SLC25A29: variants seen among roughly 807,000 people sequenced by gnomAD.
The protein encoded by SLC25A29 is mitochondrial basic amino acids transporter.
SLC25A29 carries 13 observed loss-of-function variants against 10.0 expected under a neutral mutation model. The observed-to-expected ratio is 1.30, with a 90% confidence interval of 0.85 to 2.07. SLC25A29 has a LOEUF of 2.07. Ranked by LOEUF, SLC25A29 falls within the 30% of genes most tolerant of loss-of-function variation. The pLI is 0.00. For synonymous variants in SLC25A29, 244 were observed against 221.1 expected, an observed-to-expected ratio of 1.10 and a Z score of -0.92; for missense variants, 475 against 447.6, an observed-to-expected ratio of 1.06 and a Z score of -0.55.
chr14:100,292,143 T>C lies in SLC25A29; in HGVS notation c.*140A>G. The C allele has an allele frequency of 8.6e-7, 1 of 1,162,834 alleles. No individual in the cohort carries two copies. Among genetic ancestry groups the C allele is most frequent in the Non-Finnish European group, 1.2e-6 (1 of 815,890 alleles). The allele number at this position is 1,162,834 out of a possible 1,614,324, so 72.0% of individuals were successfully genotyped here. ...CAGTTCTCGGCCAAAACTACCCAGC[T>C]GATCAGCAAAATTCAGCCCACGTCT... On this transcript the variant is annotated 3_prime_UTR_variant, in exon 4 of 4. Transcript: ENST00000359232.
chr14:100,288,156 C>T (rs1008567123), downstream of SLC25A29, among the ~76,000 whole-genome samples: 3 of 151,946 alleles, frequency 2.0e-5, no homozygotes, highest in African/African-American at 7.3e-5. Context: ...GCTGAGGCGG[C>T]GGATCACCTG....
chr14:100,282,904 C>T, the SLC25A29 span: 2 of 152,218 alleles, frequency 1.3e-5, no homozygotes, highest in Admixed American at 6.5e-5. Context: ...CTAAACTGCC[C>T]GGGGCAGTTC....
intron 1 of SLC25A29, among the ~76,000 whole-genome samples, chr14:100,302,549 G>A (rs1041874742): frequency 6.6e-6 from 1 of 151,680 alleles, no homozygotes; most frequent in African/African-American, 2.4e-5. Flanking sequence ...TAGAAATGGG[G>A]TTTCACCATG....
intron 2 of SLC25A29, chr14:100,295,820 C>T: frequency 7.8e-7 from 1 of 1,289,692 alleles, no homozygotes; most frequent in Non-Finnish European, 1.0e-6. Flanking sequence ...GGCCGGTCAC[C>T]CCCTCATCAT....
chr14:100,280,312 CAT>C, the SLC25A29 span: 1 of 152,138 alleles, frequency 6.6e-6, no homozygotes, highest in Non-Finnish European at 1.5e-5. Flanking sequence ...TACTGATAGA[CAT>C]ATTTTCGTAC....
chr14:100,295,321 G>A (rs928755747), intron 2 of SLC25A29: 1 of 252,918 alleles, frequency 4.0e-6, no homozygotes, highest in Non-Finnish European at 7.9e-6. Context: ...AAATCTTGGG[G>A]TGCCAGGCTC....
the SLC25A29 span, chr14:100,280,754 C>G: frequency 6.6e-6 from 1 of 152,146 alleles, no homozygotes; most frequent in Non-Finnish European, 1.5e-5. Context: ...AGATGAGAGT[C>G]ACTTCCAGTC....
At chr14:100,300,498 T>C (rs1393030704) in intron 1 of SLC25A29, among the ~76,000 whole-genome samples, 1 of 152,174 alleles carries the variant, frequency 6.6e-6, no homozygotes, top group Non-Finnish European at 1.5e-5. Context: ...CCCTCCTGCC[T>C]TAGCCTCCCA....
At position 100,292,472 on chromosome 14, in the gene SLC25A29, G is replaced by A. The variant is rs755012126; in HGVS notation, c.723C>T (p.Ala241=). The A allele has an allele frequency of 1.1e-5, 18 of 1,581,626 alleles. 1 individual carries two copies. The highest frequency in any genetic ancestry group is 1.5e-5 in the Non-Finnish European group (17 of 1,165,828). Residue 241 remains alanine (A), a synonymous_variant, in exon 4 of 4, where the codon GCC becomes GCT. Coordinates refer to ENST00000359232, the MANE Select transcript of SLC25A29 (RefSeq NM_001039355.3). ...CCCGTGTGAAGACGCGCCAGCCCTC[G>A]GCGCGGTAGCTCTGGTGCACGCAGT... ...ILDCVHQSYR[A]EGWRVFTRGL...
intron 1 of SLC25A29, among the ~76,000 whole-genome samples, chr14:100,304,753 G>A (rs1383867358): frequency 1.3e-5 from 2 of 152,224 alleles, no homozygotes; most frequent in East Asian, 3.8e-4. Flanking sequence ...CAGATGTGCC[G>A]GGAGGCGCCA....
chr14:100,306,148 T>C, intron 1 of SLC25A29, 51 bp downstream of exon 1: 1 of 1,348,708 alleles, frequency 7.4e-7, no homozygotes, highest in Admixed American at 3.2e-5. Flanking sequence ...TGGGCCGACC[T>C]CCCTCCCCGG....
At chr14:100,284,669 C>T in the SLC25A29 span, among the ~76,000 whole-genome samples, 1 of 152,184 alleles carries the variant, frequency 6.6e-6, no homozygotes, top group African/African-American at 2.4e-5. Context: ...TGTGCCAGGC[C>T]CTGTTTTAGG....
At chr14:100,290,942 C>T (rs894328787), downstream of SLC25A29, among the ~76,000 whole-genome samples, 9 of 152,234 alleles carry the variant, frequency 5.9e-5, no homozygotes, top group African/African-American at 1.9e-4. Context: ...ATTAGCTTGC[C>T]TTGCAGATGA....
At chr14:100,305,999 G>A (rs1050099913) in intron 1 of SLC25A29, among the ~76,000 whole-genome samples, 200 bp downstream of exon 1, 3 of 152,244 alleles carry the variant, frequency 2.0e-5, no homozygotes, top group African/African-American at 7.2e-5. Context: ...AGAGAATAAA[G>A]ACACCTGCCC....
At chr14:100,303,030 C>CT (rs1170521940) in intron 1 of SLC25A29, among the ~76,000 whole-genome samples, 3 of 152,018 alleles carry the variant, frequency 2.0e-5, no homozygotes, top group Non-Finnish European at 4.4e-5. Flanking sequence ...TCCAGAGCCT[C>CT]TAACATTCAC....
chr14:100,296,713 C>T (rs897154135), intron 2 of SLC25A29, among the ~76,000 whole-genome samples: 1 of 152,198 alleles, frequency 6.6e-6, no homozygotes, highest in Non-Finnish European at 1.5e-5. Context: ...ATTCTCCTGC[C>T]TCAGCCTCCC....
intron 1 of SLC25A29, 106 bp from the exon 2 acceptor site, chr14:100,298,991 G>A (rs1377413131): frequency 1.3e-5 from 20 of 1,524,088 alleles, no homozygotes; most frequent in South Asian, 1.3e-4. Flanking sequence ...AGCTGCTGCC[G>A]GGGAAAGGAC....
At chr14:100,298,557 T>C in intron 2 of SLC25A29, 1 of 541,430 alleles carries the variant, frequency 1.8e-6, no homozygotes, top group Non-Finnish European at 3.3e-6. Flanking sequence ...TTGGGAGAGT[T>C]CTGCATGGGA....
At chr14:100,283,850 T>C in the SLC25A29 span, among the ~76,000 whole-genome samples, 4 of 152,128 alleles carry the variant, frequency 2.6e-5, no homozygotes, top group Non-Finnish European at 5.9e-5. Flanking sequence ...CTTGCCGGTG[T>C]CTCTGCCTGG....
Sources: allele counts gnomAD v4.1 joint callset (sites outside exome capture counted in the v4.1 genomes callset), GRCh38; gene constraint gnomAD v4.1.1; transcripts MANE v1.5; gene names NCBI Gene and HGNC (gene_info 2026-07-23, HGNC 2026-07-21).